Variants in TMT1B observed in about 807,000 individuals in gnomAD.
The protein encoded by TMT1B is thiol methyltransferase 1B.
the TMT1B span, chr12:55,681,900 G>A: frequency 2.5e-6 from 4 of 1,612,966 alleles, no homozygotes; most frequent in East Asian, 2.2e-5. Flanking sequence ...AAGAGCAACC[G>A]CAAGATGGAG....
chr12:55,683,350 C>A, the TMT1B span, among the ~76,000 whole-genome samples: 1 of 152,092 alleles, frequency 6.6e-6, no homozygotes, highest in Non-Finnish European at 1.5e-5. Context: ...CAAAAAGTAG[C>A]CGGGCGTGGT....
chr12:55,684,296 G>A, the TMT1B span: 1 of 478,300 alleles, frequency 2.1e-6, no homozygotes, highest in Non-Finnish European at 3.8e-6. Flanking sequence ...GGACCCTGTT[G>A]TATCCTCAAC....
At chr12:55,682,019 C>A in the TMT1B span, 1 of 1,614,232 alleles carries the variant, frequency 6.2e-7, no homozygotes, top group Non-Finnish European at 8.5e-7. Flanking sequence ...TCAGTTCTAC[C>A]CACCGGGCTG....
chr12:55,683,560 G>A, the TMT1B span, among the ~76,000 whole-genome samples: 2 of 152,092 alleles, frequency 1.3e-5, no homozygotes, highest in Admixed American at 6.6e-5. Flanking sequence ...TTCCCCTTCT[G>A]CATGCCCTCG....
At chr12:55,682,933 C>T in the TMT1B span, among the ~76,000 whole-genome samples, 13 of 152,026 alleles carry the variant, frequency 8.6e-5, no homozygotes, top group East Asian at 1.5e-3. Flanking sequence ...GTGGAGAGAA[C>T]GTTCAGAATA....
the TMT1B span, chr12:55,681,808 C>T: frequency 6.4e-7 from 1 of 1,554,716 alleles, no homozygotes; most frequent in Non-Finnish European, 8.7e-7. Context: ...TTACCCTGCC[C>T]CTGCACCTCA....
chr12:55,682,660 C>A, the TMT1B span, among the ~76,000 whole-genome samples: 1 of 151,106 alleles, frequency 6.6e-6, no homozygotes, highest in African/African-American at 2.4e-5. Flanking sequence ...GTGGCACATG[C>A]CTATAGTCCT....
the TMT1B span, chr12:55,683,683 G>A: frequency 1.0e-5 from 9 of 884,742 alleles, no homozygotes; most frequent in East Asian, 4.9e-5. Context: ...TCAGGGGCAC[G>A]ACAGTTTGCT....
chr12:55,683,106 G>A, the TMT1B span, among the ~76,000 whole-genome samples: 2 of 152,176 alleles, frequency 1.3e-5, no homozygotes, highest in South Asian at 2.1e-4. Context: ...CAAGAGTTGG[G>A]CCTGAGGTTT....
At chr12:55,684,580 A>T in the TMT1B span, 1 of 167,532 alleles carries the variant, frequency 6.0e-6, no homozygotes, top group Admixed American at 5.8e-5. Context: ...TTGTTCTCAA[A>T]TATTTTTTAA....
At chr12:55,683,691 G>C in the TMT1B span, 1 of 953,308 alleles carries the variant, frequency 1.0e-6, no homozygotes, top group Non-Finnish European at 1.6e-6. Flanking sequence ...ACGACAGTTT[G>C]CTCCATGAAC....
chr12:55,683,386 T>C, the TMT1B span, among the ~76,000 whole-genome samples: 1 of 152,040 alleles, frequency 6.6e-6, no homozygotes, highest in Admixed American at 6.6e-5. Context: ...TCCCAGCTAC[T>C]TGGGAGGCTG....
the TMT1B span, chr12:55,683,682 C>T: frequency 1.1e-5 from 10 of 875,318 alleles, no homozygotes; most frequent in Admixed American, 2.1e-5. Flanking sequence ...GTCAGGGGCA[C>T]GACAGTTTGC....
At chr12:55,684,332 A>G in the TMT1B span, 1 of 396,106 alleles carries the variant, frequency 2.5e-6, no homozygotes, top group Non-Finnish European at 4.7e-6. Flanking sequence ...TAGTCTCCCA[A>G]CGTTTGCCTC....
chr12:55,682,647 G>A, the TMT1B span, among the ~76,000 whole-genome samples: 26 of 151,556 alleles, frequency 1.7e-4, no homozygotes, highest in Admixed American at 1.6e-3. Context: ...CTAGCCAGGC[G>A]TGGTGGCACA....
the TMT1B span, chr12:55,683,985 G>A: frequency 4.6e-5 from 75 of 1,613,896 alleles, no homozygotes; most frequent in East Asian, 2.0e-4. Context: ...CAAATGGAAC[G>A]ACAGCCCCCT....
At chr12:55,683,735 T>C in the TMT1B span, 1 of 1,404,196 alleles carries the variant, frequency 7.1e-7, no homozygotes, top group Admixed American at 1.7e-5. Context: ...CACCAAGAAG[T>C]TTGACTGTCT....
the TMT1B span, among the ~76,000 whole-genome samples, chr12:55,682,804 TAA>T: frequency 3.9e-5 from 2 of 51,078 alleles, no homozygotes; most frequent in Non-Finnish European, 6.8e-5. Context: ...AATAAATAAA[TAA>T]AAAGAGAGAG....
the TMT1B span, among the ~76,000 whole-genome samples, chr12:55,682,857 G>T: frequency 6.6e-6 from 1 of 152,060 alleles, no homozygotes; most frequent in Admixed American, 6.5e-5. Context: ...TGTGGACGGG[G>T]TGGGGAAAAT....
Sources: allele counts gnomAD v4.1 joint callset (sites outside exome capture counted in the v4.1 genomes callset), GRCh38; gene constraint gnomAD v4.1.1; transcripts MANE v1.5; gene names NCBI Gene and HGNC (gene_info 2026-07-23, HGNC 2026-07-21).